The following ARHGEF18 variants were observed in gnomAD, a reference collection of about 807,000 sequenced individuals.
The protein encoded by ARHGEF18 is rho guanine nucleotide exchange factor 18.
A neutral mutation model predicts 155.7 loss-of-function variants in ARHGEF18; 93 were observed. That is an observed-to-expected ratio of 0.60 (90% confidence interval 0.50 to 0.71). ARHGEF18 has a LOEUF of 0.71. Among genes scored for constraint, ARHGEF18 ranks in the 30% least tolerant of loss-of-function variants. The pLI, the probability that ARHGEF18 is intolerant of heterozygous loss-of-function variation, is 0.00. For synonymous variants in ARHGEF18, 742 were observed against 753.1 expected (o/e 0.99, Z 0.24); for missense variants, 1,593 against 1,816.1 (o/e 0.88, Z 2.23).
chr19:7,457,497 G>A (rs986762660), intron 18 of ARHGEF18, among the ~76,000 whole-genome samples: 1 of 151,368 alleles, frequency 6.6e-6, no homozygotes, highest in Non-Finnish European at 1.5e-5. Flanking sequence ...TGAGTAGCTG[G>A]GATTACAGGC....
Position 7,462,082 on chromosome 19 carries a change from G to A in ARHGEF18, c.2453-70G>A. Reference sequence around the variant, plus strand: ...AGCGGGGTTCCTCATCCTTAGGCCAGTCCCCGGGGCTCAGATGATTCCAGG... The same window carrying A: ...AGCGGGGTTCCTCATCCTTAGGCCAATCCCCGGGGCTCAGATGATTCCAGG... On this transcript the variant is annotated intron_variant, in intron 20 of 28. Coordinates refer to ENST00000668164, the MANE Select transcript of ARHGEF18 (RefSeq NM_001367823.1). This position sits in a 1 kb window ranked among gnomAD's most constrained non-coding sequence, Gnocchi z 4.4. 2 of 1,597,106 alleles carry A rather than the reference G, an allele frequency of 1.3e-6. No homozygotes were observed. Among genetic ancestry groups the A allele is most frequent in the South Asian group, 1.1e-5 (1 of 90,160 alleles).
At position 7,453,452 on chromosome 19, in the gene ARHGEF18, T is replaced by C; in HGVS notation, c.1856-15T>C. The C allele has an allele frequency of 6.3e-7, 1 of 1,579,030 alleles. No homozygotes were observed. The highest frequency in any genetic ancestry group is 8.6e-7 in the Non-Finnish European group (1 of 1,159,512). On this transcript the variant is annotated splice_polypyrimidine_tract_variant and intron_variant, in intron 16 of 28. Coordinates refer to ENST00000668164, the MANE Select transcript of ARHGEF18 (RefSeq NM_001367823.1). ...AAGTGGAAAAGAAAGACGCTAACTC[T>C]GCTATGTGTGGCAGCTGGCACTGAG...
chr19:7,412,356 C>G (rs1340155965), intron 10 of ARHGEF18, among the ~76,000 whole-genome samples: 1 of 151,956 alleles, frequency 6.6e-6, no homozygotes, highest in Non-Finnish European at 1.5e-5. Context: ...TCTTCCATAG[C>G]AGCTGCCCCA....
At chr19:7,449,242 G>C (rs977216810) in intron 15 of ARHGEF18, among the ~76,000 whole-genome samples, 1 of 152,054 alleles carries the variant, frequency 6.6e-6, no homozygotes, top group African/African-American at 2.4e-5. Context: ...AGAGTGTCAG[G>C]TGACCCCTTT....
intron 2 of ARHGEF18, among the ~76,000 whole-genome samples, chr19:7,363,599 G>T (rs1162145821): frequency 6.6e-6 from 1 of 151,700 alleles, no homozygotes; most frequent in Non-Finnish European, 1.5e-5. Context: ...ATGGAAGGAA[G>T]GAAGATGGAT....
chr19:7,390,122 G>C (rs1006124696), intron 10 of ARHGEF18, among the ~76,000 whole-genome samples: 4 of 152,106 alleles, frequency 2.6e-5, no homozygotes, highest in Non-Finnish European at 4.4e-5. Context: ...CTTGAGCCCA[G>C]GTGTTCAAAG....
chr19:7,418,977 G>GC (rs562187691), intron 10 of ARHGEF18, among the ~76,000 whole-genome samples: 207 of 151,692 alleles, frequency 1.4e-3, no homozygotes, highest in East Asian at 8.9e-3. Flanking sequence ...CTGCTCTCCA[G>GC]CCCCCCAGCA....
At chr19:7,413,720 C>A (rs116577069) in intron 10 of ARHGEF18, among the ~76,000 whole-genome samples, 1,744 of 152,074 alleles carry the variant, frequency 0.011, 36 homozygotes, top group African/African-American at 0.039. Context: ...ATGATTATAC[C>A]ACTATACTCC....
At chr19:7,477,383 G>A (rs779098293), downstream of ARHGEF18, 5 of 1,547,650 alleles carry the variant, frequency 3.2e-6, no homozygotes, top group South Asian at 4.8e-5. Context: ...AAGTGACAGC[G>A]CCTCCGACTG....
Position 7,462,272 on chromosome 19 carries a change from G to A in ARHGEF18, c.2573G>A (p.Arg858His), listed in dbSNP as rs149907299. Reference sequence around the variant, plus strand: ...CTGCCCCAGCCCCGAGGCCTATTCCGTGGAGGGGACCCATCCGAGACCCTG... The same window carrying A: ...CTGCCCCAGCCCCGAGGCCTATTCCATGGAGGGGACCCATCCGAGACCCTG... ...EDLPQPRGLF[R>H]GGDPSETLQG... is the part of the protein sequence containing the mutation. The change falls in exon 21 of 29, where the codon CGT (arginine) becomes CAT (histidine). Residue 858 changes from arginine (R) to histidine (H), a missense_variant. Arg to His is a conservative substitution (Grantham distance 29). Transcript: ENST00000668164. This position sits in a 1 kb window ranked among gnomAD's most constrained non-coding sequence, Gnocchi z 4.4. 1.5e-4 allele frequency: 249 copies of A among 1,613,394 alleles called. 1 individual carries two copies. In the African/African-American group the frequency reaches 2.2e-3, roughly 14 times the overall value.
At position 7,470,629 on chromosome 19, in the gene ARHGEF18, A is replaced by G. The variant is rs559988860; in HGVS notation, c.*331A>G. On this transcript the variant is annotated 3_prime_UTR_variant, in exon 29 of 29. Coordinates refer to ENST00000668164, the MANE Select transcript of ARHGEF18 (RefSeq NM_001367823.1). The surrounding 1 kb of genome is among the most constrained non-coding windows in gnomAD (Gnocchi z 5.9). ...CCGGGTGGCGGGGAGATCAACTCCG[A>G]GCTGTTTTTCCGAGGCAGTGAGGAA... is the stretch of plus-strand genomic sequence containing the variant. 3.3e-5 allele frequency: 13 copies of G among 397,028 alleles called. No individual in the cohort carries two copies. Among genetic ancestry groups the G allele is most frequent in the African/African-American group, 2.7e-4 (13 of 48,534 alleles). 24.6% of individuals were successfully genotyped at this position (397,028 alleles called of 1,614,324 possible). A position where few individuals can be genotyped will look rare whatever the true frequency, so the allele number is the denominator to read the frequency against.
At chr19:7,385,661 A>G (rs1354288488) in intron 10 of ARHGEF18, among the ~76,000 whole-genome samples, 1 of 151,534 alleles carries the variant, frequency 6.6e-6, no homozygotes, top group Non-Finnish European at 1.5e-5. Flanking sequence ...TTTTTAGTAG[A>G]AACAGGGTTT....
At chr19:7,414,732 C>T (rs569853943) in intron 10 of ARHGEF18, among the ~76,000 whole-genome samples, 13 of 152,080 alleles carry the variant, frequency 8.5e-5, no homozygotes, top group African/African-American at 3.1e-4. Context: ...TCGCTTGAAC[C>T]CGGGAGGTGG....
Position 7,349,246 on chromosome 19 carries a change from G to C in ARHGEF18, c.-111+5G>C, listed in dbSNP as rs544918183. ...TGAAGAACTGAGCTCTATCTGGTAA[G>C]TACTTATCCTGGGAAGTGGAGAGAG... On this transcript the variant is annotated splice_donor_5th_base_variant and intron_variant, in intron 1 of 28. Coordinates refer to ENST00000668164, the MANE Select transcript of ARHGEF18 (RefSeq NM_001367823.1). 9 of 152,490 alleles carry C rather than the reference G, an allele frequency of 5.9e-5. No individual in the cohort carries two copies. The highest frequency in any genetic ancestry group is 2.2e-4 in the African/African-American group (9 of 41,582). The allele number at this position is 152,490 out of a possible 1,614,324, so 9.4% of individuals were successfully genotyped here. A position where few individuals can be genotyped will look rare whatever the true frequency, so the allele number is the denominator to read the frequency against.
At chr19:7,436,154 A>G (rs1048258448) in intron 10 of ARHGEF18, among the ~76,000 whole-genome samples, 1 of 150,472 alleles carries the variant, frequency 6.6e-6, no homozygotes, top group Non-Finnish European at 1.5e-5. Context: ...TAGATTTAGC[A>G]TTACCAATAG....
Position 7,463,692 on chromosome 19 carries a change from G to C in ARHGEF18, c.2636-126G>C. On this transcript the variant is annotated intron_variant, in intron 21 of 28. Coordinates refer to ENST00000668164, the MANE Select transcript of ARHGEF18 (RefSeq NM_001367823.1). This position sits in a 1 kb window ranked among gnomAD's most constrained non-coding sequence, Gnocchi z 5.2. ...GGCTGAAATCCCACGGCACACAGAA[G>C]GGGGCAGGCGATCACCACCCCAGTG... 1 of 1,188,972 alleles carries C rather than the reference G, an allele frequency of 8.4e-7. No homozygotes were observed. The highest frequency in any genetic ancestry group is 1.2e-6 in the Non-Finnish European group (1 of 861,664). 73.7% of individuals were successfully genotyped at this position (1,188,972 alleles called of 1,614,324 possible).
At chr19:7,413,047 G>A (rs1019966342) in intron 10 of ARHGEF18, among the ~76,000 whole-genome samples, 2 of 152,048 alleles carry the variant, frequency 1.3e-5, no homozygotes, top group African/African-American at 4.8e-5. Context: ...TTCAGCCAGC[G>A]AATCAGGATC....
At position 7,395,093 on chromosome 19, in the gene ARHGEF18, A is replaced by G. The variant is rs1380274627; in HGVS notation, c.967+11890A>G. The G allele has an allele frequency of 1.0e-6, 1 of 985,292 alleles. No homozygotes were observed. Among genetic ancestry groups the G allele is most frequent in the Non-Finnish European group, 1.2e-6 (1 of 829,952 alleles). The allele number at this position is 985,292 out of a possible 1,614,324, so 61.0% of individuals were successfully genotyped here. A position where few individuals can be genotyped will look rare whatever the true frequency, so the allele number is the denominator to read the frequency against. On this transcript the variant is annotated intron_variant, in intron 10 of 28. Transcript: ENST00000668164. This position sits in a 1 kb window ranked among gnomAD's most constrained non-coding sequence, Gnocchi z 5.0. Reference sequence around the variant, plus strand: ...CCCTCTGCCCCGCCTCCGAGGCGGGATCGCGCATGCGCTGCTCTCCTCGCG... The same window carrying G: ...CCCTCTGCCCCGCCTCCGAGGCGGGGTCGCGCATGCGCTGCTCTCCTCGCG...
intron 1 of ARHGEF18, chr19:7,355,603 G>A: frequency 1.0e-6 from 1 of 985,388 alleles, no homozygotes; most frequent in Non-Finnish European, 1.2e-6. Context: ...TCACACTCAA[G>A]CTCTCACACG....
Sources: allele counts gnomAD v4.1 joint callset (sites outside exome capture counted in the v4.1 genomes callset), GRCh38; gene constraint gnomAD v4.1.1; non-coding constraint Gnocchi (gnomAD v3.1); transcripts MANE v1.5; gene names NCBI Gene and HGNC (gene_info 2026-07-23, HGNC 2026-07-21).